The following GALC variants were observed in gnomAD, a reference collection of about 807,000 sequenced individuals.
GALC encodes the protein galactocerebrosidase.
Under a neutral mutation model 91.8 loss-of-function variants are expected in GALC, and 77 were observed. That is an observed-to-expected ratio of 0.84 (90% confidence interval 0.70 to 1.01). The LOEUF is 1.01. Among genes scored for constraint, GALC ranks in the 50% least tolerant of loss-of-function variants. The pLI, the probability that GALC is intolerant of heterozygous loss-of-function variation, is 0.00. For synonymous variants in GALC, 357 were observed against 306.7 expected (o/e 1.16, Z -1.71); for missense variants, 882 against 855.9 (o/e 1.03, Z -0.38).
At chr14:87,987,943 A>C in intron 3 of GALC, 2 of 569,274 alleles carry the variant, frequency 3.5e-6, no homozygotes. Context: ...TTGAAGTTTG[A>C]ATATTGTTTT....
intron 10 of GALC, chr14:87,954,851 G>C (rs925134245): frequency 3.7e-6 from 6 of 1,606,138 alleles, no homozygotes; most frequent in Non-Finnish European, 4.3e-6. Flanking sequence ...CAATGTTTTA[G>C]CTGCTTGCCA....
At chr14:87,940,229 C>T (rs937529412) in intron 15 of GALC, among the ~76,000 whole-genome samples, 2 of 151,754 alleles carry the variant, frequency 1.3e-5, no homozygotes, top group Non-Finnish European at 2.9e-5. Context: ...CACAACAGAA[C>T]CAGTGAAATA....
chr14:87,950,778 A>ATTTG, intron 10 of GALC, 30 bp from the exon 11 acceptor site: 1 of 1,456,084 alleles, frequency 6.9e-7, no homozygotes, highest in Non-Finnish European at 9.6e-7. Flanking sequence ...TACATTATCC[A>ATTTG]AATGATGTAT....
intron 6 of GALC, among the ~76,000 whole-genome samples, chr14:87,979,690 CAT>C (rs1457573015): frequency 2.6e-5 from 4 of 152,178 alleles, no homozygotes; most frequent in African/African-American, 9.6e-5. Flanking sequence ...ACAAGAGAGA[CAT>C]GTGTACAATC....
chr14:87,959,861 G>A (rs1885722918), intron 10 of GALC: 1 of 152,054 alleles, frequency 6.6e-6, no homozygotes, highest in Admixed American at 6.6e-5. Flanking sequence ...ATTTACAATA[G>A]CCAAGATATG....
chr14:87,953,962 C>A (rs766739480), intron 10 of GALC: 274 of 1,609,150 alleles, frequency 1.7e-4, no homozygotes, highest in Non-Finnish European at 2.2e-4. Context: ...TAGAGGACTG[C>A]AGCATTTTGG....
At chr14:87,974,883 A>G (rs1289246734) in intron 7 of GALC, among the ~76,000 whole-genome samples, 2 of 152,092 alleles carry the variant, frequency 1.3e-5, no homozygotes, top group Non-Finnish European at 2.9e-5. Context: ...TAAAATACCT[A>G]TATCAATAAA....
chr14:87,972,898 C>T (rs80027914), intron 7 of GALC, among the ~76,000 whole-genome samples: 17,187 of 151,942 alleles, frequency 0.11, 1,141 homozygotes, highest in Non-Finnish European at 0.16. Flanking sequence ...GTAAACCTTA[C>T]TGAAATAAGA....
Position 87,954,493 on chromosome 14 carries a change from C to T in GALC, c.1162-3745G>A. ...AATATCTTTTTGTTCAGCGCAATTA[C>T]ACACTAGAAAACCTAAAATCGCATA... On this transcript the variant is annotated intron_variant, in intron 10 of 16. Transcript: ENST00000261304. The T allele has an allele frequency of 2.4e-5, 37 of 1,568,582 alleles. 1 individual carries two copies. In the South Asian group the frequency reaches 4.2e-4, roughly 18 times the overall value.
rs751975987 is a variant in GALC, at chr14:87,993,029, C to A, written c.136G>T (p.Asp46Tyr). Residue 46 changes from aspartate to tyrosine, a missense_variant, in exon 1 of 17, where the codon GAC becomes TAC. Physicochemically the swap from Asp to Tyr is radical, Grantham distance 160 (BLOSUM62 -3). Coordinates refer to ENST00000261304, the MANE Select transcript of GALC (RefSeq NM_000153.4). ...LLAPGGAYVL[D>Y]DSDGLGREFD... ...TCCCGGCCCAGCCCGTCGGAGTCGT[C>A]GAGCACGTACGCGCCGCCGGGCGCC... The A allele has an allele frequency of 2.8e-5, 44 of 1,553,212 alleles. No homozygotes were observed. The highest frequency in any genetic ancestry group is 1.7e-4 in the East Asian group (7 of 40,952).
rs898413769 is a variant in GALC at position 87,984,328 on chromosome 14, T to C, written c.582+66A>G. On this transcript the variant is annotated intron_variant, in intron 5 of 16. Transcript: ENST00000261304. ...TGGTTAGTCAAAAAGTACCACAGAA[T>C]CAAATTATTTTCTAAATTACAAACA... 4 of 1,504,244 alleles carry C rather than the reference T, an allele frequency of 2.7e-6. No individual in the cohort carries two copies. In the Admixed American group the frequency reaches 7.2e-5, roughly 27 times the overall value. 93.2% of individuals were successfully genotyped at this position (1,504,244 alleles called of 1,614,324 possible).
intron 10 of GALC, chr14:87,953,635 T>C (rs1885400546): frequency 6.2e-7 from 1 of 1,609,668 alleles, no homozygotes; most frequent in Admixed American, 1.7e-5. Flanking sequence ...AAGCTGCACC[T>C]CTGAAGATAA....
rs746062460 is a variant in GALC at position 87,945,690 on chromosome 14, A to T, written c.1533T>A (p.Thr511=). The part of the protein sequence containing the change: ...FSEAPNFADQ[T]GVFEYFTNIE... ...TATTTGTAAAATATTCAAATACACC[A>T]GTTTGATCAGCAAAGTTTGGAGCTT... The change falls in exon 14 of 17, where the codon ACT becomes ACA. Residue 511 remains threonine (T), a synonymous_variant. Transcript: ENST00000261304. The T allele has an allele frequency of 6.2e-7, 1 of 1,612,278 alleles. No individual in the cohort carries two copies. Among genetic ancestry groups the T allele is most frequent in the South Asian group, 1.1e-5 (1 of 91,040 alleles).
At chr14:87,955,956 T>C (rs747641805) in intron 10 of GALC, among the ~76,000 whole-genome samples, 2 of 151,398 alleles carry the variant, frequency 1.3e-5, no homozygotes. Context: ...GAAAATAAAT[T>C]TATGATGAAA....
chr14:87,953,222 G>C (rs1321795202), intron 10 of GALC: 15 of 1,504,940 alleles, frequency 1.0e-5, no homozygotes, highest in African/African-American at 1.4e-5. Flanking sequence ...GAATTTCTCT[G>C]TATAATTACC....
chr14:87,990,613 T>G (rs1392820367), intron 1 of GALC, among the ~76,000 whole-genome samples: 2 of 152,210 alleles, frequency 1.3e-5, no homozygotes, highest in Non-Finnish European at 2.9e-5. Context: ...AGGTAAACAA[T>G]GCTTCCTGTC....
intron 16 of GALC, among the ~76,000 whole-genome samples, chr14:87,937,383 C>T (rs919769062): frequency 6.1e-5 from 9 of 148,608 alleles, no homozygotes; most frequent in African/African-American, 1.5e-4. Context: ...ACAATGGGTG[C>T]CTGACAGACT....
chr14:87,944,516 C>T (rs1268100766), intron 14 of GALC, among the ~76,000 whole-genome samples: 3 of 151,924 alleles, frequency 2.0e-5, no homozygotes, highest in African/African-American at 7.2e-5. Context: ...AAAGTTTCCA[C>T]CTCAGAGACA....
chr14:87,933,935 A>T lies in GALC; in HGVS notation c.*797T>A. The T allele has an allele frequency of 6.7e-7, 1 of 1,481,642 alleles. No individual in the cohort carries two copies. Among genetic ancestry groups the T allele is most frequent in the Non-Finnish European group, 9.1e-7 (1 of 1,097,660 alleles). The allele number at this position is 1,481,642 out of a possible 1,614,324, so 91.8% of individuals were successfully genotyped here. On this transcript the variant is annotated 3_prime_UTR_variant, in exon 17 of 17. Transcript: ENST00000261304. ...TGAGGACAGACCACAGCACAGTGAG[A>T]TGAGGCTGAGGAAACGACTACAACA...
Sources: gnomAD v4.1 joint callset for allele counts (sites outside exome capture counted in the v4.1 genomes callset) on GRCh38, gnomAD v4.1.1 for gene constraint, MANE v1.5 for transcripts, NCBI Gene and HGNC (gene_info 2026-07-23, HGNC 2026-07-21) for gene names.